Variants in PEAK1 observed in about 807,000 individuals in gnomAD.
The protein encoded by PEAK1 is pseudopodium enriched atypical kinase 1.
A neutral mutation model predicts 124.7 loss-of-function variants in PEAK1; 54 were observed. The ratio of observed to expected loss-of-function variants is 0.43; its 90% CI spans 0.35 to 0.54. The LOEUF is 0.54. Among genes scored for constraint, PEAK1 ranks in the 20% least tolerant of loss-of-function variants. The probability of loss-of-function intolerance (pLI) is 0.01; values close to 1 mark genes in which losing one functional copy is unlikely to be tolerated. For synonymous variants in PEAK1, 719 were observed against 760.0 expected, an observed-to-expected ratio of 0.95 and a Z score of 0.89; for missense variants, 2,046 against 2,134.5, an observed-to-expected ratio of 0.96 and a Z score of 0.82.
Position 77,125,478 on chromosome 15 carries a change from CTGTG to C in PEAK1, c.4077+7523_4077+7526del, listed in dbSNP as rs750849074. Among the ~76,000 whole-genome samples, 422 of 149,960 alleles carry C rather than the reference CTGTG, an allele frequency of 2.8e-3. 2 individuals are homozygous for C. Among genetic ancestry groups the C allele is most frequent in the East Asian group, 9.0e-3 (46 of 5,138 alleles). On this transcript the variant is annotated intron_variant, in intron 9 of 9. Coordinates refer to ENST00000682557, the MANE Select transcript of PEAK1 (RefSeq NM_001385026.1). Reference sequence around the variant, plus strand: ...TTTGTGCCAAATGATGCTCTCAGCACTGTGTGTGTGTGTGTGTGTATGTGTGTGT... The same window carrying C: ...TTTGTGCCAAATGATGCTCTCAGCACTGTGTGTGTGTGTGTATGTGTGTGT...
intron 6 of PEAK1, among the ~76,000 whole-genome samples, chr15:77,223,866 C>A (rs2059503673): frequency 6.7e-6 from 1 of 148,972 alleles, no homozygotes; most frequent in Non-Finnish European, 1.5e-5. Context: ...TTGAAGGAAA[C>A]CAATAGCCTC....
chr15:77,233,781 T>C (rs1567146590), intron 6 of PEAK1, among the ~76,000 whole-genome samples: 1 of 152,240 alleles, frequency 6.6e-6, no homozygotes, highest in African/African-American at 2.4e-5. Context: ...TCAGAGTTTT[T>C]ACCATTCCTT....
intron 1 of PEAK1, among the ~76,000 whole-genome samples, chr15:77,379,025 A>G (rs1396070883): frequency 3.3e-5 from 5 of 152,206 alleles, no homozygotes; most frequent in Non-Finnish European, 5.9e-5. Flanking sequence ...AAAGAGCTAT[A>G]TCTGCTGAAA....
At chr15:77,136,186 CTT>C (rs2152745603) in intron 8 of PEAK1, among the ~76,000 whole-genome samples, 1 of 152,248 alleles carries the variant, frequency 6.6e-6, no homozygotes, top group African/African-American at 2.4e-5. Context: ...AAAGGTAACT[CTT>C]GTTATGTTTT....
At chr15:77,262,390 G>A (rs1471904651) in intron 5 of PEAK1, among the ~76,000 whole-genome samples, 1 of 151,738 alleles carries the variant, frequency 6.6e-6, no homozygotes, top group Non-Finnish European at 1.5e-5. Context: ...ACACACGTAG[G>A]CTCAAAATAA....
At chr15:77,333,177 G>C in intron 2 of PEAK1, 1 of 937,738 alleles carries the variant, frequency 1.1e-6, no homozygotes, top group African/African-American at 1.8e-5. Context: ...TAGCAAAGAG[G>C]TCTCACTTTA....
chr15:77,154,492 G>A (rs969245763), intron 8 of PEAK1, among the ~76,000 whole-genome samples: 19 of 152,126 alleles, frequency 1.2e-4, no homozygotes, highest in African/African-American at 4.3e-4. Context: ...TATATTTAAA[G>A]TTAATATTGT....
At chr15:77,337,650 C>A in intron 2 of PEAK1, 1 of 985,382 alleles carries the variant, frequency 1.0e-6, no homozygotes, top group African/African-American at 1.7e-5. Flanking sequence ...GAGATGAAAT[C>A]TAAAACCATG....
chr15:77,114,349 C>T lies in PEAK1; in HGVS notation c.5048G>A (p.Ser1683Asn), dbSNP rs1348096493. The change falls in exon 10 of 10, where the codon AGC becomes AAC. Residue 1683 changes from serine (S) to asparagine (N), a missense_variant. Coordinates refer to ENST00000682557, the MANE Select transcript of PEAK1 (RefSeq NM_001385026.1). ...DLFQTFTACP[S>N]LVQRNTLLQN... is the part of the protein sequence containing the mutation. Reference sequence around the variant, plus strand: ...GAGCAGGGTGTTCCTCTGTACTAGGCTAGGGCAGGCGGTGAAAGTCTGGAA... The same window carrying T: ...GAGCAGGGTGTTCCTCTGTACTAGGTTAGGGCAGGCGGTGAAAGTCTGGAA... 2 of 1,614,054 alleles carry T rather than the reference C, an allele frequency of 1.2e-6. No individual in the cohort carries two copies. Among genetic ancestry groups the T allele is most frequent in the South Asian group, 1.1e-5 (1 of 91,082 alleles).
At chr15:77,261,180 A>G (rs2061419866) in intron 5 of PEAK1, among the ~76,000 whole-genome samples, 1 of 152,188 alleles carries the variant, frequency 6.6e-6, no homozygotes, top group African/African-American at 2.4e-5. Flanking sequence ...GAAAAAACAG[A>G]GCAGAAACAC....
Position 77,133,301 on chromosome 15 carries a change from AGG to A in PEAK1, c.3779_3780del (p.Pro1260LeufsTer21). ...SMESLSSRRG[P>X]SCRQGRGIQK... ...TGGATGCCTCGGCCCTGTCTGCAAG[AGG>A]GCCCACGCCGGCTGGAGAGGGATTC... On this transcript the variant is annotated frameshift_variant, in exon 9 of 10. Transcript: ENST00000682557. LOFTEE classifies it high-confidence loss of function. The surrounding 1 kb of genome is among the most constrained non-coding windows in gnomAD (Gnocchi z 4.2). 6.2e-7 allele frequency: 1 copy of A among 1,614,234 alleles called. No individual in the cohort carries two copies. Among genetic ancestry groups the A allele is most frequent in the Non-Finnish European group, 8.5e-7 (1 of 1,180,036 alleles).
chr15:77,278,694 C>T, intron 5 of PEAK1: 1 of 519,178 alleles, frequency 1.9e-6, no homozygotes, highest in Non-Finnish European at 3.8e-6. Flanking sequence ...GATGCCAAAA[C>T]AGACCAGACA....
intron 5 of PEAK1, among the ~76,000 whole-genome samples, chr15:77,260,027 A>T (rs1486196283): frequency 6.6e-6 from 1 of 152,178 alleles, no homozygotes; most frequent in Non-Finnish European, 1.5e-5. Flanking sequence ...CCAGAGAAAA[A>T]CATCTAAGGA....
intron 1 of PEAK1, among the ~76,000 whole-genome samples, chr15:77,392,329 T>C (rs2070536441): frequency 6.6e-6 from 1 of 152,148 alleles, no homozygotes; most frequent in South Asian, 2.1e-4. Context: ...ACTTAGATAA[T>C]GATAATCTAT....
chr15:77,356,962 G>C (rs191129317), intron 2 of PEAK1, among the ~76,000 whole-genome samples: 1 of 152,340 alleles, frequency 6.6e-6, no homozygotes, highest in South Asian at 2.1e-4. Flanking sequence ...AGATACAGAA[G>C]TAAGTTTAAG....
At chr15:77,252,234 A>G (rs1371234889) in intron 6 of PEAK1, 133 bp downstream of exon 6, 1 of 463,830 alleles carries the variant, frequency 2.2e-6, no homozygotes, top group Non-Finnish European at 2.8e-6. Flanking sequence ...TGGTTATGCT[A>G]AATAAGTTAT....
intron 2 of PEAK1, among the ~76,000 whole-genome samples, chr15:77,344,717 T>C (rs2066760909): frequency 6.6e-6 from 1 of 152,246 alleles, no homozygotes; most frequent in African/African-American, 2.4e-5. Flanking sequence ...TTTACTTATG[T>C]CTTAATTTCT....
At chr15:77,354,862 A>T (rs1271124463) in intron 2 of PEAK1, among the ~76,000 whole-genome samples, 3 of 152,022 alleles carry the variant, frequency 2.0e-5, no homozygotes. Context: ...ACACGGTGAA[A>T]CCCTGTCTCT....
At chr15:77,148,719 C>G (rs1468926739) in intron 8 of PEAK1, among the ~76,000 whole-genome samples, 1 of 151,642 alleles carries the variant, frequency 6.6e-6, no homozygotes, top group Admixed American at 6.6e-5. Context: ...GAGTTTGAGA[C>G]TAGCCTGGGC....
Sources: allele counts gnomAD v4.1 joint callset (sites outside exome capture counted in the v4.1 genomes callset), GRCh38; gene constraint gnomAD v4.1.1; non-coding constraint Gnocchi (gnomAD v3.1); transcripts MANE v1.5; gene names NCBI Gene and HGNC (gene_info 2026-07-23, HGNC 2026-07-21).